The following ZCCHC4 variants were observed in gnomAD, a reference collection of about 807,000 sequenced individuals.
ZCCHC4 encodes the protein rRNA N(6)-adenosine-methyltransferase ZCCHC4.
Under a neutral mutation model 67.7 loss-of-function variants are expected in ZCCHC4, and 54 were observed. That is an observed-to-expected ratio of 0.80 (90% CI 0.64 to 1.00). ZCCHC4 has a LOEUF of 1.00. Among genes scored for constraint, ZCCHC4 ranks in the 50% least tolerant of loss-of-function variants. The pLI is 0.00. For missense variants in ZCCHC4, 609 were observed against 617.0 expected, an observed-to-expected ratio of 0.99 and a Z score of 0.14; for synonymous variants, 198 against 213.5, an observed-to-expected ratio of 0.93 and a Z score of 0.63.
At position 25,352,507 on chromosome 4, in the gene ZCCHC4, C is replaced by G. The variant is rs954237720; in HGVS notation, c.1011+818C>G. The G allele has an allele frequency of 1.3e-5, 8 of 593,358 alleles. No homozygotes were observed. The African/African-American group carries it at 1.6e-4, about 12-fold the overall frequency. The allele number at this position is 593,358 out of a possible 1,614,324, so 36.8% of individuals were successfully genotyped here. The stretch of plus-strand genomic sequence containing the variant: ...CACTGCAACCTCTGCTTCCCAGGTT[C>G]AAGCGATTCTTCTGCCTTAGCCTCC... On this transcript the variant is annotated intron_variant, in intron 8 of 12. Coordinates refer to ENST00000302874, the MANE Select transcript of ZCCHC4 (RefSeq NM_024936.3).
intron 8 of ZCCHC4, among the ~76,000 whole-genome samples, chr4:25,358,419 T>C (rs555212509): frequency 1.3e-5 from 2 of 152,206 alleles, no homozygotes; most frequent in South Asian, 2.1e-4. Flanking sequence ...AAAGACTGAA[T>C]TTTTTAATGC....
rs970763572 is a variant in ZCCHC4, at chr4:25,359,095, T to C, written c.1012-2764T>C. ...AGCCATGTGGCCACAGCATGGGTTG[T>C]GGTGCCCATTGTCAGCTGTGCTGCT... On this transcript the variant is annotated intron_variant, in intron 8 of 12. Coordinates refer to ENST00000302874, the MANE Select transcript of ZCCHC4 (RefSeq NM_024936.3). This position sits in a 1 kb window ranked among gnomAD's most constrained non-coding sequence, Gnocchi z 4.9. 1.3e-5 allele frequency among the ~76,000 whole-genome samples: 2 copies of C among 152,220 alleles called. No homozygotes were observed. Among genetic ancestry groups the C allele is most frequent in the Non-Finnish European group, 2.9e-5 (2 of 68,028 alleles).
intron 5 of ZCCHC4, among the ~76,000 whole-genome samples, chr4:25,336,957 C>G (rs1187415011): frequency 2.0e-5 from 3 of 152,286 alleles, no homozygotes; most frequent in African/African-American, 2.4e-5. Context: ...AGTGGCCAAG[C>G]TAGAATTCAA....
In ZCCHC4 at chr4:25,361,866, A is replaced by G; in HGVS notation, c.1019A>G (p.Tyr340Cys). ...TAATTTTTAACTTTCTAGGTAGATT[A>G]TGATAATCATGCACTTTATAAACAC... The part of the protein sequence containing the change: ...SFQMLDYQVD[Y>C]DNHALYKHGK... The change falls in exon 9 of 13, where the codon TAT (tyrosine) becomes TGT (cysteine). Residue 340 changes from tyrosine (Y) to cysteine (C), a missense_variant. Transcript: ENST00000302874. 2 of 1,604,336 alleles carry G rather than the reference A, an allele frequency of 1.2e-6. No individual in the cohort carries two copies. Among genetic ancestry groups the G allele is most frequent in the Admixed American group, 1.7e-5 (1 of 58,102 alleles).
chr4:25,364,593 ACG>A, intron 11 of ZCCHC4, 88 bp downstream of exon 11: 1 of 1,170,946 alleles, frequency 8.5e-7, no homozygotes, highest in Non-Finnish European at 1.2e-6. Flanking sequence ...GGATTTATAA[ACG>A]AAAAAATAAT....
intron 3 of ZCCHC4, among the ~76,000 whole-genome samples, chr4:25,324,388 A>T (rs1718753872): frequency 6.6e-6 from 1 of 151,962 alleles, no homozygotes; most frequent in African/African-American, 2.4e-5. Context: ...ATCCATGTTG[A>T]TGTGTTTGTC....
intron 3 of ZCCHC4, among the ~76,000 whole-genome samples, chr4:25,324,014 G>GTGTTTTTTTTTTTTTTTT (rs1553895905): frequency 4.9e-5 from 4 of 82,448 alleles, no homozygotes; most frequent in African/African-American, 5.2e-5. Context: ...TGTTTTTTGT[G>GTGTTTTTTTTTTTTTTTT]TTTTTTTTTT....
At chr4:25,352,577 T>A (rs1245297892) in intron 8 of ZCCHC4, 1 of 201,738 alleles carries the variant, frequency 5.0e-6, no homozygotes, top group Non-Finnish European at 8.8e-6. Context: ...GCCACCTAAT[T>A]TTTTTCCCCT....
At chr4:25,332,141 C>G (rs1458085180) in intron 3 of ZCCHC4, among the ~76,000 whole-genome samples, 1 of 152,036 alleles carries the variant, frequency 6.6e-6, no homozygotes, top group Non-Finnish European at 1.5e-5. Context: ...AACCCTGTCT[C>G]TACTAAAAAT....
At chr4:25,333,857 T>C (rs762364678) in intron 4 of ZCCHC4, 51 bp from the exon 5 acceptor site, 8 of 1,251,838 alleles carry the variant, frequency 6.4e-6, no homozygotes, top group Non-Finnish European at 9.0e-6. Context: ...TTGTTTATTG[T>C]CTATGACATT....
Position 25,313,293 on chromosome 4 carries a change from C to A in ZCCHC4, c.127+357C>A, listed in dbSNP as rs189195337. 7.0e-4 allele frequency among the ~76,000 whole-genome samples: 107 copies of A among 152,284 alleles called. 2 individuals carry two copies. In the East Asian group the frequency reaches 0.017, roughly 25 times the overall value. On this transcript the variant is annotated intron_variant, in intron 1 of 12. Transcript: ENST00000302874. ...AAAAATAAAAAATTAGGGAGAAAAA[C>A]AGTGTAATTCTTGCCTGCGAACTAG...
intron 6 of ZCCHC4, 30 bp downstream of exon 6, chr4:25,345,650 C>A: frequency 7.0e-7 from 1 of 1,425,594 alleles, no homozygotes; most frequent in Non-Finnish European, 9.8e-7. Flanking sequence ...TCTCATTGTT[C>A]TCTTATTGTG....
chr4:25,338,522 A>C (rs1719578761), intron 5 of ZCCHC4, among the ~76,000 whole-genome samples: 1 of 151,886 alleles, frequency 6.6e-6, no homozygotes, highest in East Asian at 1.9e-4. Flanking sequence ...CAGAAGAAGC[A>C]CTCTCCCTGT....
At chr4:25,324,620 C>G (rs1215639556) in intron 3 of ZCCHC4, among the ~76,000 whole-genome samples, 1 of 152,118 alleles carries the variant, frequency 6.6e-6, no homozygotes, top group Non-Finnish European at 1.5e-5. Context: ...TTAATTTTTC[C>G]AAAACTGCCA....
In ZCCHC4 at chr4:25,365,621, A is replaced by G. The variant is rs112317335; in HGVS notation, c.1406+455A>G. On this transcript the variant is annotated intron_variant, in intron 12 of 12. Transcript: ENST00000302874. ...AATTGTGAGAAAGCTATTTCTTTGT[A>G]TCAAATTTTAAGAAAAATATTTAGA... is the stretch of plus-strand genomic sequence containing the variant. 4.1e-3 allele frequency: 3,994 copies of G among 986,072 alleles called. 14 individuals are homozygous for G. Among genetic ancestry groups the G allele is most frequent in the South Asian group, 0.015 (310 of 21,308 alleles). 61.1% of individuals were successfully genotyped at this position (986,072 alleles called of 1,614,324 possible).
intron 7 of ZCCHC4, among the ~76,000 whole-genome samples, chr4:25,351,131 T>G (rs1015273593): frequency 5.3e-5 from 8 of 152,206 alleles, no homozygotes; most frequent in Non-Finnish European, 1.2e-4. Context: ...TAAAACTGTT[T>G]TGAAGAATCT....
chr4:25,350,939 A>G (rs1392105064), intron 7 of ZCCHC4, among the ~76,000 whole-genome samples: 1 of 152,154 alleles, frequency 6.6e-6, no homozygotes, highest in African/African-American at 2.4e-5. Context: ...TTGTAAGGAG[A>G]CAGTACATAG....
In ZCCHC4 at chr4:25,333,331, C is replaced by G; in HGVS notation, c.478C>G (p.Leu160Val). ...SITQLRRPSQ[L>V]LYPLENKKTN... ...TACCCAGTTAAGAAGGCCCAGTCAA[C>G]TCCTTTATCCACTGGAAAACAAGAA... The change falls in exon 4 of 13, where the codon CTC becomes GTC. Residue 160 changes from leucine (L) to valine (V), a missense_variant. Transcript: ENST00000302874. 6.2e-7 allele frequency: 1 copy of G among 1,614,108 alleles called. No homozygotes were observed. Among genetic ancestry groups the G allele is most frequent in the South Asian group, 1.1e-5 (1 of 91,086 alleles).
chr4:25,368,360 C>T (rs1209794164), intron 12 of ZCCHC4, among the ~76,000 whole-genome samples: 1 of 152,096 alleles, frequency 6.6e-6, no homozygotes, highest in African/African-American at 2.4e-5. Flanking sequence ...AGCTGCAGGT[C>T]GCCTGTAACT....
Sources: allele counts gnomAD v4.1 joint callset (sites outside exome capture counted in the v4.1 genomes callset), GRCh38; gene constraint gnomAD v4.1.1; non-coding constraint Gnocchi (gnomAD v3.1); transcripts MANE v1.5; gene names NCBI Gene and HGNC (gene_info 2026-07-23, HGNC 2026-07-21).